Variants in MTPAP observed in about 807,000 individuals in gnomAD.
The protein encoded by MTPAP is poly(A) RNA polymerase, mitochondrial.
A neutral mutation model predicts 48.7 loss-of-function variants in MTPAP; 23 were observed. The observed-to-expected ratio is 0.47, with a 90% CI of 0.34 to 0.67. The LOEUF (loss-of-function observed/expected upper bound fraction) is 0.67. Ranked by LOEUF, MTPAP falls within the 30% of genes least tolerant of loss-of-function variation. The probability of loss-of-function intolerance (pLI) is 0.01; values close to 1 mark genes in which losing one functional copy is unlikely to be tolerated. For missense variants in MTPAP, 614 were observed against 694.3 expected, an observed-to-expected ratio of 0.88 and a Z score of 1.30; for synonymous variants, 257 against 254.1, an observed-to-expected ratio of 1.01 and a Z score of -0.11.
At chr10:30,323,532 C>T (rs569071956) in intron 5 of MTPAP, among the ~76,000 whole-genome samples, 10 of 151,350 alleles carry the variant, frequency 6.6e-5, no homozygotes, top group East Asian at 5.9e-4. Context: ...TTATTTGAGA[C>T]GGAGTCTCGC....
chr10:30,316,284 C>T lies in MTPAP; in HGVS notation c.1220-74G>A. 4.3e-6 allele frequency: 5 copies of T among 1,161,714 alleles called. No individual in the cohort carries two copies. In the South Asian group the frequency reaches 6.4e-5, roughly 15 times the overall value. 72.0% of individuals were successfully genotyped at this position (1,161,714 alleles called of 1,614,324 possible). A position where few individuals can be genotyped will look rare whatever the true frequency, so the allele number is the denominator to read the frequency against. ...CTGAGATGGAGTCTCACTCTGTCATCCAGGCTGGAGTGTAGCGGCATGATC... is the reference window on the plus strand; with the variant it reads ...CTGAGATGGAGTCTCACTCTGTCATTCAGGCTGGAGTGTAGCGGCATGATC... On this transcript the variant is annotated intron_variant, in intron 6 of 8. Transcript: ENST00000263063.
intron 5 of MTPAP, among the ~76,000 whole-genome samples, chr10:30,325,732 A>G (rs1429399892): frequency 6.6e-6 from 1 of 152,130 alleles, no homozygotes; most frequent in Non-Finnish European, 1.5e-5. Context: ...CCTAGGCAAC[A>G]GAGTAAGACT....
chr10:30,335,329 C>T (rs1027745969), intron 4 of MTPAP, among the ~76,000 whole-genome samples: 1 of 151,488 alleles, frequency 6.6e-6, no homozygotes, highest in African/African-American at 2.4e-5. Context: ...TCTACTAAAA[C>T]AAAAAAATTA....
At chr10:30,342,513 T>A (rs900208692) in intron 1 of MTPAP, among the ~76,000 whole-genome samples, 61 of 146,456 alleles carry the variant, frequency 4.2e-4, no homozygotes, top group African/African-American at 1.5e-3. Flanking sequence ...TTTACTATGC[T>A]TGATGCAAAG....
rs1840609886 is a variant in MTPAP, at chr10:30,312,660, T to C, written c.*949A>G. 2.6e-5 allele frequency: 4 copies of C among 151,630 alleles called. No individual in the cohort carries two copies. Among genetic ancestry groups the C allele is most frequent in the Admixed American group, 2.0e-4 (3 of 15,218 alleles). 9.4% of individuals were successfully genotyped at this position (151,630 alleles called of 1,614,324 possible). On this transcript the variant is annotated 3_prime_UTR_variant, in exon 9 of 9. Transcript: ENST00000263063. ...TTATGTGCAAGGTGGAATTCTCCCA[T>C]GCACGGGCTCCACAGGACTGAAGGA...
chr10:30,348,775 A>C (rs961074163), intron 1 of MTPAP: 1 of 293,760 alleles, frequency 3.4e-6, no homozygotes, highest in South Asian at 4.6e-5. Flanking sequence ...CGATGCAGCG[A>C]CTGGCTCAGG....
Position 30,340,177 on chromosome 10 carries a change from C to A in MTPAP, c.555+49G>T. On this transcript the variant is annotated intron_variant, in intron 3 of 8. Transcript: ENST00000263063. ...ACATTTTACAGGAATCTTTATTGTT[C>A]ATAAAAAAATACATAGTTCTAAAAG... 2.1e-6 allele frequency: 3 copies of A among 1,405,860 alleles called. No homozygotes were observed. The South Asian group carries it at 3.5e-5, about 16-fold the overall frequency. 87.1% of individuals were successfully genotyped at this position (1,405,860 alleles called of 1,614,324 possible).
rs1196749088 is a variant in MTPAP, at chr10:30,312,661, G to T, written c.*948C>A. 6.6e-6 allele frequency: 1 copy of T among 151,858 alleles called. No individual in the cohort carries two copies. Among genetic ancestry groups the T allele is most frequent in the Non-Finnish European group, 1.5e-5 (1 of 67,984 alleles). 9.4% of individuals were successfully genotyped at this position (151,858 alleles called of 1,614,324 possible). ...TATGTGCAAGGTGGAATTCTCCCATGCACGGGCTCCACAGGACTGAAGGAG... is the reference window on the plus strand; with the variant it reads ...TATGTGCAAGGTGGAATTCTCCCATTCACGGGCTCCACAGGACTGAAGGAG... On this transcript the variant is annotated 3_prime_UTR_variant, in exon 9 of 9. Transcript: ENST00000263063.
intron 1 of MTPAP, among the ~76,000 whole-genome samples, chr10:30,346,452 CTG>C (rs1252577204): frequency 6.6e-6 from 1 of 151,868 alleles, no homozygotes; most frequent in South Asian, 2.1e-4. Context: ...AAAAAAAAAA[CTG>C]TAAGAATCTG....
Position 30,323,147 on chromosome 10 carries a change from A to G in MTPAP, c.993-530T>C, listed in dbSNP as rs574177920. ...CCGTTTCAAAAAAAAAAAAAAAAAA[A>G]AAAGAAAGAAAATGTAGATCTAGGA... On this transcript the variant is annotated intron_variant, in intron 5 of 8. Coordinates refer to ENST00000263063, the MANE Select transcript of MTPAP (RefSeq NM_018109.4). 1.6e-4 allele frequency among the ~76,000 whole-genome samples: 24 copies of G among 148,884 alleles called. No homozygotes were observed. In the East Asian group the frequency reaches 3.6e-3, roughly 22 times the overall value.
rs139195646 is a variant in MTPAP at position 30,322,599 on chromosome 10, G to C, written c.1011C>G (p.Ser337=). Residue 337 remains serine, a synonymous_variant, in exon 6 of 9, where the codon TCC becomes TCG. Coordinates refer to ENST00000263063, the MANE Select transcript of MTPAP (RefSeq NM_018109.4). Reference sequence around the variant, plus strand: ...GGGCACCATATATATAAAGGAGTTCGGAACTTGTCAAGGCAATCCTTCAAA... The same window carrying C: ...GGGCACCATATATATAAAGGAGTTCCGAACTTGTCAAGGCAATCCTTCAAA... ...TTNNRIALTS[S]ELLYIYGALD... is the part of the protein sequence containing the mutation. The C allele has an allele frequency of 9.3e-6, 15 of 1,612,552 alleles. No homozygotes were observed. The South Asian group carries it at 1.4e-4, about 15-fold the overall frequency.
intron 5 of MTPAP, among the ~76,000 whole-genome samples, chr10:30,325,219 T>G (rs1834570276): frequency 6.6e-6 from 1 of 152,178 alleles, no homozygotes; most frequent in Admixed American, 6.5e-5. Flanking sequence ...AGTATTATAT[T>G]TTTATACTAA....
intron 4 of MTPAP, among the ~76,000 whole-genome samples, chr10:30,331,360 G>T (rs1834663852): frequency 6.6e-6 from 1 of 152,152 alleles, no homozygotes; most frequent in Non-Finnish European, 1.5e-5. Flanking sequence ...CAAGACTTAG[G>T]CACTAATTCT....
chr10:30,345,799 C>T (rs2132872595), intron 1 of MTPAP, among the ~76,000 whole-genome samples: 1 of 152,220 alleles, frequency 6.6e-6, no homozygotes, highest in Admixed American at 6.5e-5. Context: ...GTAATCCCAG[C>T]ACTTTGGGAG....
In MTPAP at chr10:30,326,119, A is replaced by G. The variant is rs537576417; in HGVS notation, c.992+305T>C. On this transcript the variant is annotated intron_variant, in intron 5 of 8. Coordinates refer to ENST00000263063, the MANE Select transcript of MTPAP (RefSeq NM_018109.4). ...TGCCATCAGAAATTTCTCCTAAAAA[A>G]TAGGCATCTTTCACACTACACACTA... 3.9e-5 allele frequency among the ~76,000 whole-genome samples: 6 copies of G among 152,278 alleles called. No homozygotes were observed. In the East Asian group the frequency reaches 1.2e-3, roughly 29 times the overall value.
In MTPAP at chr10:30,349,245, G is replaced by C. The variant is rs1483706598; in HGVS notation, c.31C>G (p.Arg11Gly). 9.5e-6 allele frequency: 15 copies of C among 1,584,368 alleles called. No individual in the cohort carries two copies. Among genetic ancestry groups the C allele is most frequent in the Non-Finnish European group, 1.3e-5 (15 of 1,163,568 alleles). ...CTTCTCCGGGCACACAGGTTCAAAC[G>C]GGTCAAGAGCCCCACGCCGGGAACC... MAVPGVGLLT[R>G]LNLCARRRTR... The change falls in exon 1 of 9, where the codon CGT becomes GGT. Residue 11 changes from arginine (R) to glycine (G), a missense_variant. Arg to Gly is a moderately radical substitution (Grantham distance 125, BLOSUM62 -2). Transcript: ENST00000263063.
chr10:30,345,821 T>G (rs979700748), intron 1 of MTPAP, among the ~76,000 whole-genome samples: 7 of 151,506 alleles, frequency 4.6e-5, no homozygotes, highest in South Asian at 4.2e-4. Flanking sequence ...TCAGGGAGGG[T>G]GGATCACTTG....
intron 6 of MTPAP, among the ~76,000 whole-genome samples, chr10:30,316,866 G>C (rs2484283): frequency 0.93 from 141,441 of 152,122 alleles, 65,784 homozygotes; most frequent in African/African-American, 0.96. Flanking sequence ...GCCTGGGCAA[G>C]AGAGCAAGAC....
At chr10:30,335,229 G>A (rs1354235626) in intron 4 of MTPAP, among the ~76,000 whole-genome samples, 1 of 152,190 alleles carries the variant, frequency 6.6e-6, no homozygotes, top group Non-Finnish European at 1.5e-5. Flanking sequence ...ACTCACGCCT[G>A]TAATCCCAGC....
Sources: gnomAD v4.1 joint callset for allele counts (sites outside exome capture counted in the v4.1 genomes callset) on GRCh38, gnomAD v4.1.1 for gene constraint, MANE v1.5 for transcripts, NCBI Gene and HGNC (gene_info 2026-07-23, HGNC 2026-07-21) for gene names.